The following GRM5 variants were observed in gnomAD, a reference collection of about 807,000 sequenced individuals.
The protein encoded by GRM5 is metabotropic glutamate receptor 5.
A neutral mutation model predicts 83.1 loss-of-function variants in GRM5; 19 were observed. The observed-to-expected ratio is 0.23, with a 90% CI of 0.16 to 0.34. The LOEUF is 0.34. GRM5 is among the 10% of genes least tolerant of loss of function. GRM5 has a pLI of 1.00. For missense variants in GRM5, 1,160 were observed against 1,588.3 expected (o/e 0.73, Z 4.58); for synonymous variants, 675 against 633.6 (o/e 1.07, Z -0.98).
At position 88,815,689 on chromosome 11, in the gene GRM5, A is replaced by G. The variant is rs114023546; in HGVS notation, c.911+34217T>C. 4.5e-3 allele frequency among the ~76,000 whole-genome samples: 680 copies of G among 152,272 alleles called. 3 individuals are homozygous for G. The highest frequency in any genetic ancestry group is 0.015 in the African/African-American group (636 of 41,552). On this transcript the variant is annotated intron_variant, in intron 3 of 9. Transcript: ENST00000305447. ...GAAACAAAGAAAGAGGCGAGGTGTT[A>G]GCCTCTTTTTAACAACCACTGCTTG...
intron 2 of GRM5, among the ~76,000 whole-genome samples, chr11:88,994,445 TTATATATA>T (rs58154444): frequency 0.062 from 5,406 of 87,030 alleles, 139 homozygotes; most frequent in African/African-American, 0.098. Context: ...CTTTAACTGA[TTATATATA>T]TATATATATA....
chr11:88,969,340 A>G (rs1939093777), intron 2 of GRM5, among the ~76,000 whole-genome samples: 1 of 152,068 alleles, frequency 6.6e-6, no homozygotes, highest in Admixed American at 6.6e-5. Flanking sequence ...GTATTTTTAT[A>G]CCCCAAACTA....
At chr11:88,878,417 T>C (rs1271904041) in intron 2 of GRM5, among the ~76,000 whole-genome samples, 1 of 152,072 alleles carries the variant, frequency 6.6e-6, no homozygotes, top group African/African-American at 2.4e-5. Context: ...CTCCCAGCAA[T>C]GAATGCAGGG....
chr11:88,821,569 A>G (rs1300827037), intron 3 of GRM5, among the ~76,000 whole-genome samples: 2 of 152,022 alleles, frequency 1.3e-5, no homozygotes, highest in Admixed American at 1.3e-4. Context: ...TCTCTGGACT[A>G]TTGCAATGAT....
At chr11:88,724,414 C>CTG (rs57849332) in intron 3 of GRM5, among the ~76,000 whole-genome samples, 17,685 of 152,160 alleles carry the variant, frequency 0.12, 1,844 homozygotes, top group African/African-American at 0.26. Context: ...TCCTAACTAA[C>CTG]TGCCCTCCAT....
intron 2 of GRM5, among the ~76,000 whole-genome samples, chr11:89,009,257 C>T (rs1488776240): frequency 6.6e-6 from 1 of 152,166 alleles, no homozygotes; most frequent in Non-Finnish European, 1.5e-5. Flanking sequence ...CAAGTAATTA[C>T]ACAGAGTTTA....
chr11:88,947,657 G>C (rs1284171190), intron 2 of GRM5, among the ~76,000 whole-genome samples: 2 of 151,558 alleles, frequency 1.3e-5, no homozygotes, highest in African/African-American at 4.9e-5. Context: ...TATAGATTTA[G>C]TTGATTAATA....
intron 3 of GRM5, among the ~76,000 whole-genome samples, chr11:88,769,965 C>T (rs1035120277): frequency 1.3e-5 from 2 of 152,000 alleles, no homozygotes; most frequent in Non-Finnish European, 2.9e-5. Flanking sequence ...GCACACACTA[C>T]TTCAGTCAGG....
intron 4 of GRM5, among the ~76,000 whole-genome samples, chr11:88,625,895 G>A (rs569889873): frequency 3.3e-5 from 5 of 152,298 alleles, no homozygotes; most frequent in African/African-American, 1.2e-4. Flanking sequence ...AAAGGAGAAA[G>A]CTATAATGAT....
intron 2 of GRM5, among the ~76,000 whole-genome samples, chr11:88,977,511 A>T (rs544004135): frequency 1.8e-4 from 27 of 152,144 alleles, no homozygotes; most frequent in Non-Finnish European, 3.2e-4. Flanking sequence ...GTCTTTAAAA[A>T]ACTGAGTTCA....
intron 2 of GRM5, among the ~76,000 whole-genome samples, chr11:89,041,008 C>T (rs1236795588): frequency 1.3e-5 from 2 of 152,198 alleles, no homozygotes; most frequent in African/African-American, 4.8e-5. Flanking sequence ...AGCATGCCCT[C>T]TCATTCCCCA....
chr11:88,506,176 A>C lies in GRM5; in HGVS notation c.*2416T>G, dbSNP rs1055666661. The C allele has an allele frequency of 1.3e-5, 2 of 152,186 alleles. No homozygotes were observed. Among genetic ancestry groups the C allele is most frequent in the African/African-American group, 4.8e-5 (2 of 41,440 alleles). 9.4% of individuals were successfully genotyped at this position (152,186 alleles called of 1,614,324 possible). A position where few individuals can be genotyped will look rare whatever the true frequency, so the allele number is the denominator to read the frequency against. On this transcript the variant is annotated 3_prime_UTR_variant, in exon 10 of 10. Transcript: ENST00000305447. ...ATCAGATGGCAATTTACTTGCATTA[A>C]ATTTAATTTCTGATGAAGTTTTTTA... is the stretch of plus-strand genomic sequence containing the variant.
chr11:88,819,921 C>G (rs1358061831), intron 3 of GRM5, among the ~76,000 whole-genome samples: 2 of 151,944 alleles, frequency 1.3e-5, no homozygotes, highest in East Asian at 3.9e-4. Flanking sequence ...ACTAGAAGCC[C>G]ACTCCTGCCA....
intron 1 of GRM5, among the ~76,000 whole-genome samples, chr11:89,050,084 T>C (rs541315344): frequency 4.9e-4 from 75 of 152,306 alleles, no homozygotes; most frequent in African/African-American, 1.7e-3. Context: ...GGCTGAAATA[T>C]CAATCCCATG....
chr11:88,857,264 G>A (rs1944493506), intron 2 of GRM5, among the ~76,000 whole-genome samples: 1 of 151,994 alleles, frequency 6.6e-6, no homozygotes, highest in African/African-American at 2.4e-5. Flanking sequence ...ACTGGTTATT[G>A]TCATGTTATT....
intron 3 of GRM5, among the ~76,000 whole-genome samples, chr11:88,789,824 T>A (rs1943139222): frequency 6.6e-6 from 1 of 152,108 alleles, no homozygotes; most frequent in Non-Finnish European, 1.5e-5. Flanking sequence ...TCAACAAATA[T>A]TTATTGAACA....
intron 2 of GRM5, among the ~76,000 whole-genome samples, chr11:88,884,580 G>C (rs966004904): frequency 6.6e-6 from 1 of 152,136 alleles, no homozygotes. Flanking sequence ...TGAGACTTGG[G>C]AGGGGTAAGA....
intron 3 of GRM5, among the ~76,000 whole-genome samples, chr11:88,714,624 A>G (rs1313995757): frequency 6.6e-6 from 1 of 151,848 alleles, no homozygotes; most frequent in African/African-American, 2.4e-5. Context: ...ATGGTAATGA[A>G]TTTGCCTCTG....
At chr11:88,704,013 G>GTGTT (rs1166881689) in intron 3 of GRM5, among the ~76,000 whole-genome samples, 2 of 152,022 alleles carry the variant, frequency 1.3e-5, no homozygotes, top group Admixed American at 6.6e-5. Context: ...AGTAGCTTCA[G>GTGTT]TGTTTGGTGA....
Sources: allele counts gnomAD v4.1 joint callset (sites outside exome capture counted in the v4.1 genomes callset), GRCh38; gene constraint gnomAD v4.1.1; transcripts MANE v1.5; gene names NCBI Gene and HGNC (gene_info 2026-07-23, HGNC 2026-07-21).